PARD3B: variants seen among roughly 807,000 people sequenced by gnomAD.
The protein encoded by PARD3B is partitioning defective 3 homolog B.
Under a neutral mutation model 130.2 loss-of-function variants are expected in PARD3B, and 103 were observed. That is an observed-to-expected ratio of 0.79 (90% CI 0.67 to 0.93). The LOEUF is 0.93. Ranked by LOEUF, PARD3B falls within the 40% of genes least tolerant of loss-of-function variation. The probability of loss-of-function intolerance (pLI) is 0.00; values close to 1 mark genes in which losing one functional copy is unlikely to be tolerated. For synonymous variants in PARD3B, 583 were observed against 553.2 expected (o/e 1.05, Z -0.76); for missense variants, 1,609 against 1,499.2 (o/e 1.07, Z -1.21).
intron 2 of PARD3B, among the ~76,000 whole-genome samples, chr2:204,702,856 G>A (rs151098038): frequency 0.034 from 5,103 of 152,222 alleles, 129 homozygotes; most frequent in Non-Finnish European, 0.052. Flanking sequence ...GATTACAGGC[G>A]TGAGCCACCA....
intron 1 of PARD3B, among the ~76,000 whole-genome samples, chr2:204,654,578 GT>G (rs1244158424): frequency 6.6e-6 from 1 of 152,110 alleles, no homozygotes; most frequent in Non-Finnish European, 1.5e-5. Context: ...ATAGGGCAGT[GT>G]TTTTTATATC....
intron 2 of PARD3B, among the ~76,000 whole-genome samples, chr2:204,719,335 G>T: frequency 6.6e-6 from 1 of 152,150 alleles, no homozygotes; most frequent in East Asian, 1.9e-4. Context: ...AAACAGTTGA[G>T]GAATTAGGGC....
chr2:205,488,550 C>T (rs1291079389), intron 20 of PARD3B, among the ~76,000 whole-genome samples: 1 of 152,168 alleles, frequency 6.6e-6, no homozygotes, highest in African/African-American at 2.4e-5. Context: ...TCTCACTGAA[C>T]CCACTCACTG....
In PARD3B at chr2:204,673,890, G is replaced by T. The variant is rs1213609688; in HGVS notation, c.121-12291G>T. Among the ~76,000 whole-genome samples the T allele has an allele frequency of 1.3e-5, 2 of 152,072 alleles. No individual in the cohort carries two copies. Among genetic ancestry groups the T allele is most frequent in the African/African-American group, 4.8e-5 (2 of 41,408 alleles). ...AAGAACTCAACACATGTTGCAGAAA[G>T]GACTGCCATTGACCTGCAGTCTACA... On this transcript the variant is annotated intron_variant, in intron 1 of 22. Coordinates refer to ENST00000406610, the MANE Select transcript of PARD3B (RefSeq NM_001302769.2). The surrounding 1 kb of genome is among the most constrained non-coding windows in gnomAD (Gnocchi z 4.7).
chr2:204,921,561 G>A (rs1375123420), intron 2 of PARD3B, among the ~76,000 whole-genome samples: 1 of 152,044 alleles, frequency 6.6e-6, no homozygotes, highest in African/African-American at 2.4e-5. Context: ...AGGAATAAAA[G>A]CAAAATTAGA....
At chr2:205,535,573 T>A (rs1393613975) in intron 21 of PARD3B, among the ~76,000 whole-genome samples, 1 of 152,196 alleles carries the variant, frequency 6.6e-6, no homozygotes, top group Non-Finnish European at 1.5e-5. Context: ...TATTTCCTTC[T>A]GAAAATATTG....
chr2:205,388,932 T>C (rs2045755975), intron 18 of PARD3B, among the ~76,000 whole-genome samples: 1 of 152,200 alleles, frequency 6.6e-6, no homozygotes, highest in African/African-American at 2.4e-5. Flanking sequence ...TTGGTAACTC[T>C]GTCTTGCTCA....
At chr2:205,118,504 A>G (rs2030199026) in intron 6 of PARD3B, among the ~76,000 whole-genome samples, 1 of 152,206 alleles carries the variant, frequency 6.6e-6, no homozygotes, top group Non-Finnish European at 1.5e-5. Context: ...ATAGGTAGTA[A>G]GACTGCAAAA....
intron 10 of PARD3B, among the ~76,000 whole-genome samples, chr2:205,149,421 T>C (rs1054824338): frequency 6.6e-6 from 1 of 152,162 alleles, no homozygotes; most frequent in Admixed American, 6.5e-5. Context: ...ATTTTATATA[T>C]GTACCAATAA....
At chr2:204,729,998 A>AAACACACACAC (rs2039426555) in intron 2 of PARD3B, among the ~76,000 whole-genome samples, 1 of 141,366 alleles carries the variant, frequency 7.1e-6, no homozygotes, top group Admixed American at 7.1e-5. Context: ...CACACACACA[A>AAACACACACAC]ACACACACAC....
At chr2:204,615,465 C>T (rs2034075460) in intron 1 of PARD3B, among the ~76,000 whole-genome samples, 1 of 152,162 alleles carries the variant, frequency 6.6e-6, no homozygotes, top group Non-Finnish European at 1.5e-5. Context: ...TGACACATCT[C>T]ATTGTACAGT....
Position 205,562,140 on chromosome 2 carries a change from A to G in PARD3B, c.3260+8737A>G, listed in dbSNP as rs1559219510. 6.6e-6 allele frequency among the ~76,000 whole-genome samples: 1 copy of G among 152,362 alleles called. No homozygotes were observed. The highest frequency in any genetic ancestry group is 2.1e-4 in the South Asian group (1 of 4,832). On this transcript the variant is annotated intron_variant, in intron 22 of 22. Transcript: ENST00000406610. This position sits in a 1 kb window ranked among gnomAD's most constrained non-coding sequence, Gnocchi z 5.4. ...GCCAAACAGCTGAGATCAGGGGGTTAATGCTACTGCCACCTCATTTTTATG... is the reference window on the plus strand; with the variant it reads ...GCCAAACAGCTGAGATCAGGGGGTTGATGCTACTGCCACCTCATTTTTATG...
intron 16 of PARD3B, among the ~76,000 whole-genome samples, chr2:205,294,010 A>G (rs2541148): frequency 0.87 from 131,873 of 152,168 alleles, 57,500 homozygotes; most frequent in Admixed American, 0.92. Context: ...TTATTTAAAT[A>G]ATAAAGGTAG....
intron 19 of PARD3B, among the ~76,000 whole-genome samples, chr2:205,432,136 T>C (rs1311887126): frequency 3.3e-5 from 5 of 152,338 alleles, no homozygotes; most frequent in African/African-American, 9.6e-5. Flanking sequence ...AATTTTGTTT[T>C]TAAACCAGTT....
At position 205,037,674 on chromosome 2, in the gene PARD3B, G is replaced by T. The variant is rs576548957; in HGVS notation, c.395-9907G>T. ...GTGGACTATATATAATGTATATAGTGGACTATATATATATATGATATATCT... is the reference window on the plus strand; with the variant it reads ...GTGGACTATATATAATGTATATAGTTGACTATATATATATATGATATATCT... On this transcript the variant is annotated intron_variant, in intron 3 of 22. Coordinates refer to ENST00000406610, the MANE Select transcript of PARD3B (RefSeq NM_001302769.2). 4.3e-3 allele frequency among the ~76,000 whole-genome samples: 518 copies of T among 121,470 alleles called. 4 individuals carry two copies. Among genetic ancestry groups the T allele is most frequent in the African/African-American group, 0.014 (485 of 35,100 alleles). The allele number at this position is 121,470 out of a possible 152,430, so 79.7% of individuals were successfully genotyped here.
chr2:204,617,192 A>G (rs7568847), intron 1 of PARD3B, among the ~76,000 whole-genome samples: 1 of 151,872 alleles, frequency 6.6e-6, no homozygotes, highest in Non-Finnish European at 1.5e-5. Context: ...TCTGGGGTAA[A>G]TTTATACAGG....
At chr2:205,012,919 G>A (rs150913858) in intron 3 of PARD3B, among the ~76,000 whole-genome samples, 81 of 152,282 alleles carry the variant, frequency 5.3e-4, no homozygotes, top group Middle Eastern at 3.4e-3. Flanking sequence ...CCAAATGAAA[G>A]CACTTCCAAA....
At chr2:204,832,660 C>A (rs1231857451) in intron 2 of PARD3B, among the ~76,000 whole-genome samples, 1 of 152,100 alleles carries the variant, frequency 6.6e-6, no homozygotes, top group African/African-American at 2.4e-5. Context: ...CCAGTAGATT[C>A]TTGGCTGTGA....
At chr2:205,005,167 A>G (rs573081050) in intron 3 of PARD3B, among the ~76,000 whole-genome samples, 6 of 152,154 alleles carry the variant, frequency 3.9e-5, no homozygotes, top group Admixed American at 3.3e-4. Context: ...CCTCTCTAGT[A>G]TACACACACA....
Sources: allele counts gnomAD v4.1 joint callset (sites outside exome capture counted in the v4.1 genomes callset), GRCh38; gene constraint gnomAD v4.1.1; non-coding constraint Gnocchi (gnomAD v3.1); transcripts MANE v1.5; gene names NCBI Gene and HGNC (gene_info 2026-07-23, HGNC 2026-07-21).